Variants in GPR39 observed in about 807,000 individuals in gnomAD.
GPR39 encodes G protein-coupled receptor 39.
In GPR39, 23 loss-of-function variants were observed where a neutral mutation model predicts 18.4. That is an observed-to-expected ratio of 1.25 (90% CI 0.90 to 1.77). The LOEUF is 1.77. GPR39 is among the 40% of genes most tolerant of loss of function. The pLI is 0.00. For synonymous variants in GPR39, 280 were observed against 257.9 expected (o/e 1.09, Z -0.82); for missense variants, 647 against 602.4 (o/e 1.07, Z -0.78).
chr2:132,500,626 A>G (rs189821697), intron 1 of GPR39, among the ~76,000 whole-genome samples: 155 of 152,094 alleles, frequency 1.0e-3, no homozygotes, highest in African/African-American at 3.4e-3. Flanking sequence ...TTTTTCCTCT[A>G]TCTTTTGAAA....
At chr2:132,570,860 A>G (rs1680430321) in intron 1 of GPR39, among the ~76,000 whole-genome samples, 1 of 152,144 alleles carries the variant, frequency 6.6e-6, no homozygotes. Flanking sequence ...GGGCCACCCT[A>G]GGGAGAACAT....
intron 1 of GPR39, among the ~76,000 whole-genome samples, chr2:132,524,216 CG>C (rs1307458003): frequency 6.6e-6 from 1 of 152,220 alleles, no homozygotes; most frequent in Non-Finnish European, 1.5e-5. Flanking sequence ...GAAGAGGGAA[CG>C]AAGAGGGTCT....
chr2:132,613,761 C>T (rs1386844781), intron 1 of GPR39, among the ~76,000 whole-genome samples: 1 of 152,232 alleles, frequency 6.6e-6, no homozygotes, highest in Non-Finnish European at 1.5e-5. Flanking sequence ...TGGCCCTCAT[C>T]AGTATCAGTG....
At chr2:132,604,773 G>A (rs1394923565) in intron 1 of GPR39, 1 of 152,278 alleles carries the variant, frequency 6.6e-6, no homozygotes, top group Non-Finnish European at 1.5e-5. Flanking sequence ...AGTTTGCTAG[G>A]TGAGAAGCAG....
At chr2:132,510,701 G>C (rs73001265) in intron 1 of GPR39, among the ~76,000 whole-genome samples, 2 of 152,090 alleles carry the variant, frequency 1.3e-5, no homozygotes, top group Non-Finnish European at 2.9e-5. Flanking sequence ...TTTGTTCATG[G>C]TTCTATTTTG....
chr2:132,633,417 G>A (rs1431079881), intron 1 of GPR39, among the ~76,000 whole-genome samples: 1 of 151,286 alleles, frequency 6.6e-6, no homozygotes, highest in African/African-American at 2.4e-5. Context: ...AGAGTGGGAA[G>A]AGCTCCATTT....
Position 132,485,525 on chromosome 2 carries a change from TG to T in GPR39, c.856+67628del, listed in dbSNP as rs536483140. Among the ~76,000 whole-genome samples the T allele has an allele frequency of 6.9e-4, 105 of 152,388 alleles. No individual in the cohort carries two copies. The South Asian group carries it at 0.021, about 30-fold the overall frequency. On this transcript the variant is annotated intron_variant, in intron 1 of 1. Transcript: ENST00000329321. ...GAAGTCAATCCTCTAAAATCCCTGC[TG>T]CTGCTTTATCAACTAAGTCTAAGTA...
At chr2:132,547,606 C>A (rs1204634839) in intron 1 of GPR39, among the ~76,000 whole-genome samples, 1 of 152,158 alleles carries the variant, frequency 6.6e-6, no homozygotes, top group East Asian at 1.9e-4. Context: ...AGGAAGTCAG[C>A]TTTATTAATA....
At chr2:132,582,637 G>A (rs1434815580) in intron 1 of GPR39, among the ~76,000 whole-genome samples, 1 of 152,172 alleles carries the variant, frequency 6.6e-6, no homozygotes, top group Non-Finnish European at 1.5e-5. Flanking sequence ...AGGTCAAGGT[G>A]CCTGAGCAGC....
chr2:132,568,647 A>G (rs1680392367), intron 1 of GPR39, among the ~76,000 whole-genome samples: 1 of 152,080 alleles, frequency 6.6e-6, no homozygotes, highest in Non-Finnish European at 1.5e-5. Flanking sequence ...CAGAGGCTGC[A>G]GTGAGCTGAG....
At chr2:132,590,444 C>T (rs1198266149) in intron 1 of GPR39, among the ~76,000 whole-genome samples, 1 of 152,024 alleles carries the variant, frequency 6.6e-6, no homozygotes, top group Non-Finnish European at 1.5e-5. Flanking sequence ...CCTGTGTGAC[C>T]TTAGACAAGC....
In GPR39 at chr2:132,417,658, A is replaced by G. The variant is rs765936900; in HGVS notation, c.616A>G (p.Asn206Asp). 3.7e-6 allele frequency: 6 copies of G among 1,614,032 alleles called. No individual in the cohort carries two copies. Among genetic ancestry groups the G allele is most frequent in the Non-Finnish European group, 5.1e-6 (6 of 1,180,042 alleles). ...TRHHEQPETS[N>D]MSICTNLSSR... Reference sequence around the variant, plus strand: ...CCACCACGAGCAGCCCGAGACCTCCAATATGTCCATCTGTACCAACCTCTC... The same window carrying G: ...CCACCACGAGCAGCCCGAGACCTCCGATATGTCCATCTGTACCAACCTCTC... The change falls in exon 1 of 2, where the codon AAT (asparagine) becomes GAT (aspartate). Residue 206 changes from asparagine to aspartate, a missense_variant. This residue lies in a region of GPR39 where 581 missense variants were observed against 506.8 expected (regional missense o/e 1.15). Coordinates refer to ENST00000329321, the MANE Select transcript of GPR39 (RefSeq NM_001508.3).
rs143185552 is a variant in GPR39 at position 132,584,269 on chromosome 2, C to T, written c.857-60832C>T. On this transcript the variant is annotated intron_variant, in intron 1 of 1. Transcript: ENST00000329321. ...CAATGAGTCCTGAGAACAATGTATG[C>T]GTGAAGTCTTAGAGGAGCAGCATCC... Among the ~76,000 whole-genome samples the T allele has an allele frequency of 4.8e-3, 729 of 152,214 alleles. 2 individuals are homozygous for T. Among genetic ancestry groups the T allele is most frequent in the African/African-American group, 0.016 (668 of 41,542 alleles).
intron 1 of GPR39, among the ~76,000 whole-genome samples, chr2:132,453,884 C>G (rs981135917): frequency 6.6e-6 from 1 of 152,136 alleles, no homozygotes. Context: ...GTTACTGTAG[C>G]CTCGTAGTAT....
chr2:132,498,798 C>T (rs1210750271), intron 1 of GPR39, among the ~76,000 whole-genome samples: 1 of 152,170 alleles, frequency 6.6e-6, no homozygotes, highest in African/African-American at 2.4e-5. Flanking sequence ...TTTTGATTTG[C>T]ATTTCCCTGA....
chr2:132,425,119 T>A (rs752850537), intron 1 of GPR39, among the ~76,000 whole-genome samples: 1 of 152,136 alleles, frequency 6.6e-6, no homozygotes, highest in Non-Finnish European at 1.5e-5. Context: ...AACTCATATA[T>A]CTCCCATGAC....
At position 132,639,535 on chromosome 2, in the gene GPR39, G is replaced by A. The variant is rs556646100; in HGVS notation, c.857-5566G>A. ...CACAAAATATCTTTGCTTGGGAGGT[G>A]ATCAACTTTCCAGATATTTTGTGCT... On this transcript the variant is annotated intron_variant, in intron 1 of 1. Coordinates refer to ENST00000329321, the MANE Select transcript of GPR39 (RefSeq NM_001508.3). 2.2e-4 allele frequency among the ~76,000 whole-genome samples: 33 copies of A among 152,284 alleles called. 1 individual carries two copies. In the South Asian group the frequency reaches 6.9e-3, roughly 32 times the overall value.
chr2:132,416,833 G>A lies in GPR39; in HGVS notation c.-210G>A, dbSNP rs142166440. ...TACACTCCCAAACCTCAACACCCAG[G>A]CGCCTCCTGGGCCTCTCCTAGGTTG... On this transcript the variant is annotated 5_prime_UTR_variant, in exon 1 of 2. Coordinates refer to ENST00000329321, the MANE Select transcript of GPR39 (RefSeq NM_001508.3). 71 of 629,160 alleles carry A rather than the reference G, an allele frequency of 1.1e-4. No individual in the cohort carries two copies. The highest frequency in any genetic ancestry group is 1.1e-3 in the African/African-American group (59 of 54,492). The allele number at this position is 629,160 out of a possible 1,614,324, so 39.0% of individuals were successfully genotyped here. A position where few individuals can be genotyped will look rare whatever the true frequency, so the allele number is the denominator to read the frequency against.
intron 1 of GPR39, among the ~76,000 whole-genome samples, chr2:132,432,210 A>G (rs1680236037): frequency 6.6e-6 from 1 of 152,194 alleles, no homozygotes; most frequent in Non-Finnish European, 1.5e-5. Flanking sequence ...AGATCAAGGT[A>G]TTAGCAGATT....
Sources: gnomAD v4.1 joint callset for allele counts (sites outside exome capture counted in the v4.1 genomes callset) on GRCh38, gnomAD v4.1.1 for gene constraint, gnomAD v4.1.1 regional missense constraint, MANE v1.5 for transcripts, NCBI Gene and HGNC (gene_info 2026-07-23, HGNC 2026-07-21) for gene names.